Variants in USP8 observed in about 807,000 individuals in gnomAD.
USP8 encodes the protein ubiquitin carboxyl-terminal hydrolase 8.
A neutral mutation model predicts 130.0 loss-of-function variants in USP8; 27 were observed. That is an observed-to-expected ratio of 0.21 (90% CI 0.15 to 0.29). The LOEUF (loss-of-function observed/expected upper bound fraction) is 0.29. Among genes scored for constraint, USP8 ranks in the 10% least tolerant of loss-of-function variants. The probability of loss-of-function intolerance (pLI) is 1.00; values close to 1 mark genes in which losing one functional copy is unlikely to be tolerated. For missense variants in USP8, 1,029 were observed against 1,312.2 expected (o/e 0.78, Z 3.33); for synonymous variants, 392 against 444.1 (o/e 0.88, Z 1.48).
chr15:50,504,682 G>T lies in USP8; in HGVS notation c.*5594G>T, dbSNP rs952919768. On this transcript the variant is annotated 3_prime_UTR_variant, in exon 20 of 20. Transcript: ENST00000307179. Reference sequence around the variant, plus strand: ...AACTTAATGAAGATATTAGGACACAGAAAATGAATAAACCGGACTGGGCGC... The same window carrying T: ...AACTTAATGAAGATATTAGGACACATAAAATGAATAAACCGGACTGGGCGC... 6.6e-6 allele frequency: 1 copy of T among 152,090 alleles called. No individual in the cohort carries two copies. The highest frequency in any genetic ancestry group is 2.4e-5 in the African/African-American group (1 of 41,420). The allele number at this position is 152,090 out of a possible 1,614,324, so 9.4% of individuals were successfully genotyped here. A position where few individuals can be genotyped will look rare whatever the true frequency, so the allele number is the denominator to read the frequency against.
At chr15:50,494,315 C>T in intron 16 of USP8, 35 bp downstream of exon 16, 2 of 1,556,534 alleles carry the variant, frequency 1.3e-6, no homozygotes, top group South Asian at 1.2e-5. Flanking sequence ...TGCAGAGACT[C>T]TTTAGGGTTG....
At chr15:50,439,861 G>T (rs771210014) in intron 2 of USP8, among the ~76,000 whole-genome samples, 4 of 151,216 alleles carry the variant, frequency 2.6e-5, no homozygotes, top group Non-Finnish European at 4.4e-5. Flanking sequence ...GCCAAGGTGG[G>T]CGGATCACCT....
intron 10 of USP8, among the ~76,000 whole-genome samples, chr15:50,478,926 G>A (rs371842652): frequency 3.3e-5 from 5 of 151,978 alleles, no homozygotes; most frequent in East Asian, 1.9e-4. Flanking sequence ...GTGGTGGTGC[G>A]TGCCTGCAGT....
intron 8 of USP8, among the ~76,000 whole-genome samples, chr15:50,473,487 T>C (rs2051450909): frequency 6.6e-6 from 1 of 152,038 alleles, no homozygotes; most frequent in Non-Finnish European, 1.5e-5. Flanking sequence ...TTTAAATTTA[T>C]TTGTTTTAAT....
chr15:50,438,213 G>C (rs1260159062), intron 1 of USP8, among the ~76,000 whole-genome samples: 1 of 152,190 alleles, frequency 6.6e-6, no homozygotes, highest in African/African-American at 2.4e-5. Context: ...ACTTTACTTA[G>C]CTTTTTAGGA....
chr15:50,493,127 G>A (rs1264961365), intron 15 of USP8: 4 of 633,376 alleles, frequency 6.3e-6, no homozygotes, highest in African/African-American at 1.8e-5. Flanking sequence ...ATCCTCACAG[G>A]GTAGAAGGTG....
rs2052646883 is a variant in USP8 at position 50,505,538 on chromosome 15, C to T, written c.*6450C>T. On this transcript the variant is annotated 3_prime_UTR_variant, in exon 20 of 20. Coordinates refer to ENST00000307179, the MANE Select transcript of USP8 (RefSeq NM_005154.5). ...ATATGCCACATGAATTTTAAAAACT[C>T]AATGAAGGAAGAAGTGATACATAAT... The T allele has an allele frequency of 6.6e-6, 1 of 152,068 alleles. No homozygotes were observed. The highest frequency in any genetic ancestry group is 1.9e-4 in the East Asian group (1 of 5,196). 9.4% of individuals were successfully genotyped at this position (152,068 alleles called of 1,614,324 possible). A position where few individuals can be genotyped will look rare whatever the true frequency, so the allele number is the denominator to read the frequency against.
At chr15:50,437,685 A>G (rs749053839) in intron 1 of USP8, among the ~76,000 whole-genome samples, 5 of 152,228 alleles carry the variant, frequency 3.3e-5, no homozygotes, top group Non-Finnish European at 7.3e-5. Context: ...ACCCAGGGGA[A>G]CCCTGTCATA....
chr15:50,447,084 A>G (rs776241402), intron 3 of USP8, among the ~76,000 whole-genome samples: 1 of 152,230 alleles, frequency 6.6e-6, no homozygotes, highest in Non-Finnish European at 1.5e-5. Flanking sequence ...GAGCACTGGT[A>G]TATTGAATTA....
intron 3 of USP8, among the ~76,000 whole-genome samples, chr15:50,448,405 T>C (rs1278385327): frequency 6.6e-6 from 1 of 152,202 alleles, no homozygotes; most frequent in Non-Finnish European, 1.5e-5. Flanking sequence ...TGACCTCTTG[T>C]ATCTAATGAT....
At chr15:50,441,321 T>C (rs914003129) in intron 2 of USP8, 28 bp from the exon 3 acceptor site, 1 of 1,562,634 alleles carries the variant, frequency 6.4e-7, no homozygotes, top group African/African-American at 1.4e-5. Context: ...TCAATTGCTT[T>C]AATTATTATT....
At chr15:50,498,533 A>G (rs2052500364) in intron 18 of USP8, 63 bp from the exon 19 acceptor site, 2 of 1,489,532 alleles carry the variant, frequency 1.3e-6, no homozygotes, top group South Asian at 2.9e-5. Context: ...CTAGATGTTA[A>G]TGAATGAGGA....
chr15:50,452,189 A>T (rs917814787), intron 4 of USP8, among the ~76,000 whole-genome samples: 2 of 152,228 alleles, frequency 1.3e-5, no homozygotes, highest in African/African-American at 2.4e-5. Flanking sequence ...CCCGTTTCTT[A>T]TTATTATCTT....
Position 50,494,187 on chromosome 15 carries a change from G to A in USP8, c.2565G>A (p.Gly855=). Residue 855 remains glycine, a synonymous_variant, in exon 16 of 20, where the codon GGG becomes GGA. Transcript: ENST00000307179. ...ISPKDFKITI[G]KINDQFAGYS... is the part of the protein sequence containing the mutation. ...CAAAGGACTTTAAAATCACCATTGGGAAGATCAATGACCAGTTTGCAGGAT... is the reference window on the plus strand; with the variant it reads ...CAAAGGACTTTAAAATCACCATTGGAAAGATCAATGACCAGTTTGCAGGAT... The A allele has an allele frequency of 1.2e-6, 2 of 1,613,910 alleles. No homozygotes were observed. The highest frequency in any genetic ancestry group is 2.2e-5 in the East Asian group (1 of 44,870).
intron 3 of USP8, among the ~76,000 whole-genome samples, chr15:50,441,952 C>T (rs1320494060): frequency 1.4e-5 from 2 of 146,024 alleles, no homozygotes; most frequent in East Asian, 4.0e-4. Flanking sequence ...AAAATTGATA[C>T]TGATCACTCC....
chr15:50,464,242 A>G (rs973778003), intron 6 of USP8, among the ~76,000 whole-genome samples: 5 of 152,200 alleles, frequency 3.3e-5, no homozygotes, highest in Non-Finnish European at 7.3e-5. Flanking sequence ...GATGTAGAAT[A>G]GCAAGCTTTT....
At chr15:50,460,700 A>C (rs1171812203) in intron 5 of USP8, among the ~76,000 whole-genome samples, 1 of 152,192 alleles carries the variant, frequency 6.6e-6, no homozygotes, top group Non-Finnish European at 1.5e-5. Flanking sequence ...CTTAGTCTGT[A>C]GCTGCCAGCT....
At chr15:50,452,186 CTTA>C (rs562514305) in intron 4 of USP8, among the ~76,000 whole-genome samples, 1 of 152,216 alleles carries the variant, frequency 6.6e-6, no homozygotes, top group African/African-American at 2.4e-5. Flanking sequence ...TGTCCCGTTT[CTTA>C]TTATTATCTT....
Position 50,481,593 on chromosome 15 carries a change from G to A in USP8, c.1331G>A (p.Arg444His), listed in dbSNP as rs757075119. 37 of 1,614,052 alleles carry A rather than the reference G, an allele frequency of 2.3e-5. No homozygotes were observed. The highest frequency in any genetic ancestry group is 1.7e-4 in the Middle Eastern group (1 of 6,060). The change falls in exon 11 of 20, where the codon CGT becomes CAT. Residue 444 changes from arginine to histidine, a missense_variant. Transcript: ENST00000307179. ...CAGAGTGGAAAAGTTATTCCTGATC[G>A]TTCCACCAAGCCAGTAGTTTTTTCT... ...SPQSGKVIPDRSTKPVVFSPT... is the reference protein window; with the variant it reads ...SPQSGKVIPDHSTKPVVFSPT...
Sources: gnomAD v4.1 joint callset for allele counts (sites outside exome capture counted in the v4.1 genomes callset) on GRCh38, gnomAD v4.1.1 for gene constraint, MANE v1.5 for transcripts, NCBI Gene and HGNC (gene_info 2026-07-23, HGNC 2026-07-21) for gene names.